CLYBL: variants seen among roughly 807,000 people sequenced by gnomAD.
CLYBL encodes citramalyl-CoA lyase, mitochondrial.
Under a neutral mutation model 38.9 loss-of-function variants are expected in CLYBL, and 31 were observed. That is an observed-to-expected ratio of 0.80 (90% CI 0.60 to 1.08). CLYBL has a LOEUF of 1.08. Ranked by LOEUF, CLYBL falls within the 50% of genes least tolerant of loss-of-function variation. The pLI is 0.00. For missense variants in CLYBL, 434 were observed against 411.6 expected, an observed-to-expected ratio of 1.05 and a Z score of -0.47; for synonymous variants, 171 against 158.6, an observed-to-expected ratio of 1.08 and a Z score of -0.59.
intron 1 of CLYBL, among the ~76,000 whole-genome samples, chr13:99,717,436 G>GAAAAAAAAA (rs1172721313): frequency 4.4e-5 from 4 of 91,078 alleles, no homozygotes; most frequent in Non-Finnish European, 6.3e-5. Flanking sequence ...AAAAAAATTA[G>GAAAAAAAAA]AAAAAAAAAA....
At chr13:99,727,838 G>A (rs1168198458) in intron 1 of CLYBL, among the ~76,000 whole-genome samples, 3 of 152,138 alleles carry the variant, frequency 2.0e-5, no homozygotes, top group Admixed American at 6.5e-5. Flanking sequence ...AGTACTTTGA[G>A]AGGCCGAGGT....
chr13:99,699,044 T>A (rs1178668008), intron 1 of CLYBL, among the ~76,000 whole-genome samples: 1 of 152,200 alleles, frequency 6.6e-6, no homozygotes, highest in East Asian at 1.9e-4. Context: ...GATTTTTTTT[T>A]TCCCTTCATC....
At chr13:99,770,257 T>C (rs1346948418) in intron 1 of CLYBL, among the ~76,000 whole-genome samples, 4 of 151,790 alleles carry the variant, frequency 2.6e-5, no homozygotes, top group Non-Finnish European at 5.9e-5. Context: ...CCGGCTGATA[T>C]TTGTATTTTT....
chr13:99,628,901 T>A (rs560381189), intron 1 of CLYBL, among the ~76,000 whole-genome samples: 31 of 152,342 alleles, frequency 2.0e-4, no homozygotes, highest in African/African-American at 7.5e-4. Flanking sequence ...GGAGGGGCCC[T>A]TGCTACAAGT....
At chr13:99,629,390 G>A (rs890400821) in intron 1 of CLYBL, among the ~76,000 whole-genome samples, 2 of 152,124 alleles carry the variant, frequency 1.3e-5, no homozygotes, top group Non-Finnish European at 2.9e-5. Context: ...CCATCTATCC[G>A]CCTTCCCCCT....
At chr13:99,828,206 A>G (rs1309697562) in intron 2 of CLYBL, among the ~76,000 whole-genome samples, 1 of 152,200 alleles carries the variant, frequency 6.6e-6, no homozygotes, top group Non-Finnish European at 1.5e-5. Context: ...TATAGAGGGG[A>G]AAGGAGGCAG....
At chr13:99,724,800 A>G (rs2048446136) in intron 1 of CLYBL, among the ~76,000 whole-genome samples, 1 of 152,216 alleles carries the variant, frequency 6.6e-6, no homozygotes, top group Non-Finnish European at 1.5e-5. Context: ...TTCAGGAACA[A>G]TCTTCAAAAT....
chr13:99,627,321 A>T (rs558083549), intron 1 of CLYBL, among the ~76,000 whole-genome samples: 2 of 152,334 alleles, frequency 1.3e-5, no homozygotes, highest in Non-Finnish European at 2.9e-5. Context: ...AACAGAAAGT[A>T]AAATCAAAAG....
chr13:99,873,804 A>C (rs2051968632), intron 7 of CLYBL, among the ~76,000 whole-genome samples: 2 of 152,178 alleles, frequency 1.3e-5, no homozygotes, highest in Non-Finnish European at 2.9e-5. Flanking sequence ...CCAAATGGCA[A>C]AATTCATGGG....
intron 1 of CLYBL, among the ~76,000 whole-genome samples, chr13:99,659,719 T>G (rs994181105): frequency 6.6e-6 from 1 of 152,198 alleles, no homozygotes; most frequent in Admixed American, 6.5e-5. Flanking sequence ...AGTTTTATTT[T>G]CCCATCATAA....
chr13:99,659,158 C>G (rs2047372980), intron 1 of CLYBL, among the ~76,000 whole-genome samples: 2 of 152,034 alleles, frequency 1.3e-5, no homozygotes, highest in South Asian at 4.2e-4. Context: ...TAATTTCTGA[C>G]AGAGAGGGGA....
intron 2 of CLYBL, among the ~76,000 whole-genome samples, chr13:99,786,454 G>T (rs151087567): frequency 6.6e-6 from 1 of 152,166 alleles, no homozygotes; most frequent in African/African-American, 2.4e-5. Context: ...AGAACATGCG[G>T]TGTTTGGTTT....
At chr13:99,653,463 G>C (rs2047284697) in intron 1 of CLYBL, among the ~76,000 whole-genome samples, 1 of 152,030 alleles carries the variant, frequency 6.6e-6, no homozygotes, top group African/African-American at 2.4e-5. Context: ...TGTAACTCCT[G>C]GCAGGGGTCT....
At chr13:99,908,806 C>G (rs914274615) in exon 10 of CLYBL, among the ~76,000 whole-genome samples, 1 of 152,192 alleles carries the variant, frequency 6.6e-6, no homozygotes, top group South Asian at 2.1e-4. Context: ...TTCCTGGCAA[C>G]TAGCATGGTG....
chr13:99,629,559 T>C (rs1053942581), intron 1 of CLYBL, among the ~76,000 whole-genome samples: 2 of 152,222 alleles, frequency 1.3e-5, no homozygotes, highest in African/African-American at 4.8e-5. Context: ...TCCTTCTCTG[T>C]ACTGTGGACT....
At chr13:99,838,606 C>G (rs1251193619) in intron 2 of CLYBL, among the ~76,000 whole-genome samples, 1 of 152,148 alleles carries the variant, frequency 6.6e-6, no homozygotes, top group African/African-American at 2.4e-5. Flanking sequence ...TGTAATCTTC[C>G]CATATTACTA....
At chr13:99,674,847 C>G (rs747877203) in intron 1 of CLYBL, among the ~76,000 whole-genome samples, 9 of 152,142 alleles carry the variant, frequency 5.9e-5, no homozygotes, top group African/African-American at 7.2e-5. Context: ...GTTGCTGCCA[C>G]TGGGTCAGAT....
downstream of CLYBL, among the ~76,000 whole-genome samples, chr13:99,901,787 G>A (rs915481980): frequency 6.6e-6 from 1 of 151,872 alleles, no homozygotes; most frequent in African/African-American, 2.4e-5. Flanking sequence ...AGCCTCCACA[G>A]TACCTCGGAT....
Position 99,641,932 on chromosome 13 carries a change from A to G in CLYBL, c.62+35175A>G, listed in dbSNP as rs9585160. Among the ~76,000 whole-genome samples the G allele has an allele frequency of 8.1e-3, 1,234 of 152,368 alleles. 21 individuals carry two copies. The highest frequency in any genetic ancestry group is 0.028 in the African/African-American group (1,144 of 41,592). ...ATTTTCCTTTTGGAAATGTCATTCAAACCATATGAAATTAAATTTGGAAAT... is the reference window on the plus strand; with the variant it reads ...ATTTTCCTTTTGGAAATGTCATTCAGACCATATGAAATTAAATTTGGAAAT... On this transcript the variant is annotated intron_variant, in intron 1 of 8. Transcript: ENST00000339105.
Sources: allele counts gnomAD v4.1 joint callset (sites outside exome capture counted in the v4.1 genomes callset), GRCh38; gene constraint gnomAD v4.1.1; transcripts MANE v1.5; gene names NCBI Gene and HGNC (gene_info 2026-07-23, HGNC 2026-07-21).